The following WWOX variants were observed in gnomAD, a reference collection of about 807,000 sequenced individuals.
WWOX encodes WW domain containing oxidoreductase, also known as WW domain-containing oxidoreductase.
A neutral mutation model predicts 46.2 loss-of-function variants in WWOX; 69 were observed. The observed-to-expected ratio is 1.49, with a 90% CI of 1.23 to 1.82. The LOEUF is 1.82. Among genes scored for constraint, WWOX ranks in the 40% most tolerant of loss-of-function variants. WWOX has a pLI of 0.00. For synonymous variants in WWOX, 359 were observed against 202.6 expected, an observed-to-expected ratio of 1.77 and a Z score of -6.56; for missense variants, 919 against 542.6, an observed-to-expected ratio of 1.69 and a Z score of -6.89.
At chr16:79,104,044 G>GT (rs1406102108) in intron 8 of WWOX, among the ~76,000 whole-genome samples, 2 of 125,722 alleles carry the variant, frequency 1.6e-5, no homozygotes, top group Non-Finnish European at 3.5e-5. Context: ...TTTTGGGGGG[G>GT]GGGGGGCGGG....
intron 8 of WWOX, among the ~76,000 whole-genome samples, chr16:78,826,521 T>A (rs1387975322): frequency 6.6e-6 from 1 of 152,218 alleles, no homozygotes; most frequent in Non-Finnish European, 1.5e-5. Flanking sequence ...AATCCCTGCC[T>A]CTGCAGCCAC....
At chr16:78,172,838 C>G (rs191481455) in intron 5 of WWOX, among the ~76,000 whole-genome samples, 1 of 152,286 alleles carries the variant, frequency 6.6e-6, no homozygotes, top group East Asian at 1.9e-4. Flanking sequence ...TTTGAAGAGA[C>G]GGATTTCATG....
chr16:78,657,661 T>A (rs1360536762), intron 8 of WWOX, among the ~76,000 whole-genome samples: 1 of 152,122 alleles, frequency 6.6e-6, no homozygotes, highest in Non-Finnish European at 1.5e-5. Context: ...TGAATTTCCT[T>A]GGATGTGATG....
At chr16:78,478,248 A>G (rs1006061189) in intron 8 of WWOX, among the ~76,000 whole-genome samples, 8 of 152,236 alleles carry the variant, frequency 5.3e-5, no homozygotes, top group Non-Finnish European at 1.0e-4. Flanking sequence ...TACTGTATTT[A>G]TGGCCTATTC....
chr16:78,235,067 T>TAC (rs891503888), intron 5 of WWOX, among the ~76,000 whole-genome samples: 6 of 151,828 alleles, frequency 4.0e-5, no homozygotes, highest in East Asian at 1.9e-4. Flanking sequence ...ATGAGAAAAA[T>TAC]ACACACACAC....
At chr16:78,703,917 A>G (rs2048279190) in intron 8 of WWOX, among the ~76,000 whole-genome samples, 1 of 152,080 alleles carries the variant, frequency 6.6e-6, no homozygotes, top group Non-Finnish European at 1.5e-5. Flanking sequence ...GGAACTTATT[A>G]TTTTTAAAAA....
chr16:78,485,240 A>G (rs1051542629), intron 8 of WWOX, among the ~76,000 whole-genome samples: 4 of 152,190 alleles, frequency 2.6e-5, no homozygotes, highest in African/African-American at 9.6e-5. Context: ...CTGTCCTCAC[A>G]CATGCACAGC....
chr16:78,476,769 A>C (rs970507109), intron 8 of WWOX, among the ~76,000 whole-genome samples: 2 of 152,172 alleles, frequency 1.3e-5, no homozygotes, highest in East Asian at 3.9e-4. Flanking sequence ...TGAAATGCAT[A>C]TCTCTAAGGG....
intron 8 of WWOX, among the ~76,000 whole-genome samples, chr16:78,579,454 G>C (rs2044992065): frequency 6.6e-6 from 1 of 152,120 alleles, no homozygotes; most frequent in African/African-American, 2.4e-5. Context: ...TGGGAGGGGA[G>C]GAGCGTGAGT....
intron 8 of WWOX, among the ~76,000 whole-genome samples, chr16:79,127,608 G>A (rs1388054557): frequency 6.6e-6 from 1 of 152,170 alleles, no homozygotes; most frequent in Non-Finnish European, 1.5e-5. Context: ...GTGCATGCAT[G>A]TATTTGCAGG....
At position 78,323,723 on chromosome 16, in the gene WWOX, A is replaced by G. The variant is rs77538004; in HGVS notation, c.517-63137A>G. 0.016 allele frequency among the ~76,000 whole-genome samples: 2,486 copies of G among 152,244 alleles called. 145 individuals are homozygous for G. The South Asian group carries it at 0.17, about 11-fold the overall frequency. ...TTTGGAATCAGGAAAACATGTTTCT[A>G]TTCTAAATGTTCTTTGATAAATAAG... On this transcript the variant is annotated intron_variant, in intron 5 of 8. Coordinates refer to ENST00000566780, the MANE Select transcript of WWOX (RefSeq NM_016373.4).
chr16:79,139,624 A>G (rs2050050256), intron 8 of WWOX, among the ~76,000 whole-genome samples: 1 of 151,258 alleles, frequency 6.6e-6, no homozygotes, highest in Non-Finnish European at 1.5e-5. Flanking sequence ...TCTTTTTTTA[A>G]GGATCACAGA....
intron 8 of WWOX, among the ~76,000 whole-genome samples, chr16:78,683,599 G>T (rs1042879892): frequency 1.3e-5 from 2 of 151,668 alleles, no homozygotes; most frequent in African/African-American, 4.8e-5. Flanking sequence ...ACAAAGTCTC[G>T]CTTTGTTGCC....
At chr16:78,176,141 C>T (rs1485655064) in intron 5 of WWOX, among the ~76,000 whole-genome samples, 1 of 152,174 alleles carries the variant, frequency 6.6e-6, no homozygotes, top group Non-Finnish European at 1.5e-5. Flanking sequence ...CTTCTATGCA[C>T]CGGCCCTGGT....
At chr16:78,514,067 A>G (rs1462143348) in intron 8 of WWOX, among the ~76,000 whole-genome samples, 1 of 152,208 alleles carries the variant, frequency 6.6e-6, no homozygotes, top group East Asian at 1.9e-4. Context: ...CTATTCTGTT[A>G]ATAGAATGAC....
intron 6 of WWOX, among the ~76,000 whole-genome samples, chr16:78,406,299 T>TATAA (rs1567553245): frequency 2.6e-5 from 2 of 78,196 alleles, no homozygotes; most frequent in Non-Finnish European, 2.5e-5. Flanking sequence ...AGCATATAAA[T>TATAA]ATAAATATAT....
At chr16:78,977,729 C>T (rs2046601413) in intron 8 of WWOX, among the ~76,000 whole-genome samples, 1 of 152,064 alleles carries the variant, frequency 6.6e-6, no homozygotes, top group Non-Finnish European at 1.5e-5. Flanking sequence ...GCAGGGGGTG[C>T]CTGCAAGTCT....
chr16:78,770,672 C>G (rs2050042761), intron 8 of WWOX, among the ~76,000 whole-genome samples: 1 of 151,740 alleles, frequency 6.6e-6, no homozygotes, highest in African/African-American at 2.4e-5. Context: ...CCCCCCCTCC[C>G]CGAAGTGAAC....
intron 8 of WWOX, among the ~76,000 whole-genome samples, chr16:79,169,181 A>T (rs879516787): frequency 6.6e-6 from 1 of 152,230 alleles, no homozygotes; most frequent in Non-Finnish European, 1.5e-5. Flanking sequence ...AACATTAAAT[A>T]ACATGTCCAA....
Sources: allele counts gnomAD v4.1 joint callset (sites outside exome capture counted in the v4.1 genomes callset), GRCh38; gene constraint gnomAD v4.1.1; transcripts MANE v1.5; gene names NCBI Gene and HGNC (gene_info 2026-07-23, HGNC 2026-07-21).